The following VWA3B variants were observed in gnomAD, a reference collection of about 807,000 sequenced individuals.
VWA3B encodes von Willebrand factor A domain-containing protein 3B.
A neutral mutation model predicts 158.3 loss-of-function variants in VWA3B; 138 were observed. That is an observed-to-expected ratio of 0.87 (90% CI 0.76 to 1.00). The LOEUF (loss-of-function observed/expected upper bound fraction) is 1.00. Ranked by LOEUF, VWA3B falls within the 50% of genes least tolerant of loss-of-function variation. VWA3B has a pLI of 0.00. For synonymous variants in VWA3B, 596 were observed against 587.3 expected, an observed-to-expected ratio of 1.01 and a Z score of -0.21; for missense variants, 1,555 against 1,565.1, an observed-to-expected ratio of 0.99 and a Z score of 0.11.
chr2:98,307,684 T>G (rs1181519368), intron 26 of VWA3B, among the ~76,000 whole-genome samples: 1 of 152,202 alleles, frequency 6.6e-6, no homozygotes, highest in East Asian at 1.9e-4. Context: ...GGGAGGAAAG[T>G]CTTTGAAGAG....
chr2:98,283,443 A>C (rs1055227697), intron 22 of VWA3B, among the ~76,000 whole-genome samples: 4 of 152,216 alleles, frequency 2.6e-5, no homozygotes, highest in Non-Finnish European at 5.9e-5. Flanking sequence ...AACTTTATGG[A>C]AAAGTGAGGT....
chr2:98,235,352 C>T (rs1281767944), intron 17 of VWA3B, among the ~76,000 whole-genome samples: 2 of 152,128 alleles, frequency 1.3e-5, no homozygotes, highest in African/African-American at 4.8e-5. Flanking sequence ...CAAATGTGCC[C>T]CTGTGGCTAC....
At chr2:98,303,517 A>G (rs1402254098) in intron 25 of VWA3B, among the ~76,000 whole-genome samples, 185 bp from the exon 26 acceptor site, 2 of 152,102 alleles carry the variant, frequency 1.3e-5, no homozygotes, top group African/African-American at 2.4e-5. Flanking sequence ...AGAGGACTCA[A>G]TGATGACTTT....
intron 25 of VWA3B, among the ~76,000 whole-genome samples, chr2:98,301,839 C>T (rs893922494): frequency 2.0e-5 from 3 of 152,200 alleles, no homozygotes; most frequent in Admixed American, 6.5e-5. Context: ...TCTTTGTTGA[C>T]AGGAAGCATT....
chr2:98,224,016 C>T (rs1434078185), intron 14 of VWA3B, among the ~76,000 whole-genome samples: 2 of 152,142 alleles, frequency 1.3e-5, no homozygotes, highest in Non-Finnish European at 2.9e-5. Context: ...GTATTAGCAA[C>T]CCCAAACTTT....
intron 10 of VWA3B, among the ~76,000 whole-genome samples, chr2:98,191,590 T>C (rs1681577415): frequency 6.6e-6 from 1 of 152,206 alleles, no homozygotes; most frequent in Admixed American, 6.5e-5. Context: ...GCAATACTCT[T>C]TCAAGAACGC....
At chr2:98,296,428 G>A (rs898809118) in intron 23 of VWA3B, among the ~76,000 whole-genome samples, 1 of 152,194 alleles carries the variant, frequency 6.6e-6, no homozygotes, top group African/African-American at 2.4e-5. Flanking sequence ...TGAATAATGT[G>A]TAAATATTTC....
At chr2:98,129,101 G>A (rs1675612831) in intron 6 of VWA3B, among the ~76,000 whole-genome samples, 1 of 152,120 alleles carries the variant, frequency 6.6e-6, no homozygotes, top group Non-Finnish European at 1.5e-5. Context: ...GAAGTACTAG[G>A]TGAAGGAGAA....
intron 8 of VWA3B, among the ~76,000 whole-genome samples, chr2:98,172,857 A>C (rs1295913119): frequency 6.6e-6 from 1 of 152,192 alleles, no homozygotes; most frequent in African/African-American, 2.4e-5. Flanking sequence ...GCAATTGACT[A>C]TGTAGGTGGA....
chr2:98,317,203 T>TC (rs1691104998), downstream of VWA3B, among the ~76,000 whole-genome samples: 1 of 152,150 alleles, frequency 6.6e-6, no homozygotes, highest in African/African-American at 2.4e-5. Flanking sequence ...TGACTGAACA[T>TC]CATGAAGATG....
At chr2:98,117,748 CTTTTT>C (rs35080840) in intron 3 of VWA3B, among the ~76,000 whole-genome samples, 4 of 119,460 alleles carry the variant, frequency 3.3e-5, no homozygotes, top group African/African-American at 1.4e-4. Flanking sequence ...CTTAAATTAC[CTTTTT>C]TTTTTTTTTT....
At position 98,115,741 on chromosome 2, in the gene VWA3B, T is replaced by G; in HGVS notation, c.286T>G (p.Tyr96Asp). 4 of 1,612,846 alleles carry G rather than the reference T, an allele frequency of 2.5e-6. No individual in the cohort carries two copies. The highest frequency in any genetic ancestry group is 3.4e-6 in the Non-Finnish European group (4 of 1,179,782). The part of the protein sequence containing the change: ...QLYRAEDGRV[Y>D]NLTAKSELIY... Reference sequence around the variant, plus strand: ...CTACAGAGCAGAAGATGGCAGAGTATACAATGTAAGTCAGAGTTCCCTCAA... The same window carrying G: ...CTACAGAGCAGAAGATGGCAGAGTAGACAATGTAAGTCAGAGTTCCCTCAA... The change falls in exon 3 of 28, where the codon TAC becomes GAC. Residue 96 changes from tyrosine (Y) to aspartate (D), a missense_variant. Transcript: ENST00000477737.
intron 8 of VWA3B, among the ~76,000 whole-genome samples, chr2:98,165,486 A>G (rs752170036): frequency 5.3e-4 from 81 of 151,966 alleles, no homozygotes; most frequent in Non-Finnish European, 1.1e-3. Context: ...GTGTGCAGCT[A>G]ATTTTGGAAC....
Position 98,311,806 on chromosome 2 carries a change from T to C in VWA3B, c.3522-13T>C. The C allele has an allele frequency of 1.9e-6, 3 of 1,583,886 alleles. No homozygotes were observed. The highest frequency in any genetic ancestry group is 2.6e-6 in the Non-Finnish European group (3 of 1,165,466). On this transcript the variant is annotated splice_polypyrimidine_tract_variant and intron_variant, in intron 26 of 27. Transcript: ENST00000477737. ...ATCAAGGCAGGGTAACCCTGATCTCTCTCTGTCTCTAGAGAGGATGTGGAG... is the reference window on the plus strand; with the variant it reads ...ATCAAGGCAGGGTAACCCTGATCTCCCTCTGTCTCTAGAGAGGATGTGGAG...
intron 6 of VWA3B, among the ~76,000 whole-genome samples, chr2:98,133,426 C>T (rs1676023803): frequency 6.6e-6 from 1 of 152,172 alleles, no homozygotes; most frequent in African/African-American, 2.4e-5. Context: ...CCTCACTGAA[C>T]CTACAGAGCT....
chr2:98,220,782 A>G (rs894504601), intron 14 of VWA3B, among the ~76,000 whole-genome samples: 4 of 152,212 alleles, frequency 2.6e-5, no homozygotes, highest in African/African-American at 9.6e-5. Context: ...ATGGAATACT[A>G]TGCAGCCATA....
At chr2:98,279,127 C>T (rs1485780232) in intron 22 of VWA3B, among the ~76,000 whole-genome samples, 2 of 152,118 alleles carry the variant, frequency 1.3e-5, no homozygotes, top group Non-Finnish European at 2.9e-5. Context: ...TACTGTGCCA[C>T]GTTTATCTAG....
At chr2:98,117,452 C>T (rs1674618476) in intron 3 of VWA3B, among the ~76,000 whole-genome samples, 2 of 152,166 alleles carry the variant, frequency 1.3e-5, no homozygotes. Flanking sequence ...GTCCTCTGGC[C>T]CCTTGAGGTC....
At chr2:98,329,920 T>C in the VWA3B span, among the ~76,000 whole-genome samples, 1 of 152,184 alleles carries the variant, frequency 6.6e-6, no homozygotes, top group South Asian at 2.1e-4. Context: ...TCACTTTGGC[T>C]GGGCTGCAGA....
Sources: allele counts gnomAD v4.1 joint callset (sites outside exome capture counted in the v4.1 genomes callset), GRCh38; gene constraint gnomAD v4.1.1; transcripts MANE v1.5; gene names NCBI Gene and HGNC (gene_info 2026-07-23, HGNC 2026-07-21).